The following RBMS3 variants were observed in gnomAD, a reference collection of about 807,000 sequenced individuals.
The protein encoded by RBMS3 is RNA-binding motif, single-stranded-interacting protein 3.
In RBMS3, 27 loss-of-function variants were observed where a neutral mutation model predicts 66.8. The ratio of observed to expected loss-of-function variants is 0.40; its 90% CI spans 0.30 to 0.56. The LOEUF (loss-of-function observed/expected upper bound fraction) is 0.56. Ranked by LOEUF, RBMS3 falls within the 20% of genes least tolerant of loss-of-function variation. The probability of loss-of-function intolerance (pLI) is 0.40; values close to 1 mark genes in which losing one functional copy is unlikely to be tolerated. For synonymous variants in RBMS3, 188 were observed against 183.0 expected (o/e 1.03, Z -0.22); for missense variants, 513 against 549.5 (o/e 0.93, Z 0.66).
intron 4 of RBMS3, among the ~76,000 whole-genome samples, chr3:29,721,914 A>T (rs185555783): frequency 5.9e-5 from 9 of 152,280 alleles, no homozygotes; most frequent in Non-Finnish European, 1.5e-5. Context: ...ATTGCCTAAA[A>T]CCTTTAGTGG....
At chr3:29,689,302 G>T (rs2051873119) in intron 4 of RBMS3, among the ~76,000 whole-genome samples, 1 of 151,672 alleles carries the variant, frequency 6.6e-6, no homozygotes, top group Non-Finnish European at 1.5e-5. Context: ...TCTTTTTTCT[G>T]TCATTAATTA....
At chr3:29,517,006 A>G (rs1192506731) in intron 3 of RBMS3, among the ~76,000 whole-genome samples, 1 of 152,088 alleles carries the variant, frequency 6.6e-6, no homozygotes, top group Non-Finnish European at 1.5e-5. Flanking sequence ...TGAGCCCAAA[A>G]GTCCGAGAAC....
At chr3:29,459,475 C>T (rs930599676) in intron 2 of RBMS3, among the ~76,000 whole-genome samples, 1 of 152,126 alleles carries the variant, frequency 6.6e-6, no homozygotes. Context: ...GTTTAACATT[C>T]CATAAGGACA....
chr3:29,822,076 A>G (rs764166935), intron 6 of RBMS3, among the ~76,000 whole-genome samples: 3 of 152,182 alleles, frequency 2.0e-5, no homozygotes, highest in Non-Finnish European at 4.4e-5. Flanking sequence ...CTGCACAAGG[A>G]TGGTAATCCT....
intron 4 of RBMS3, among the ~76,000 whole-genome samples, chr3:29,691,860 T>A (rs2052022980): frequency 6.6e-6 from 1 of 151,968 alleles, no homozygotes; most frequent in Admixed American, 6.6e-5. Flanking sequence ...ATAGTTTATG[T>A]GCATAGCTTT....
intron 14 of RBMS3, among the ~76,000 whole-genome samples, chr3:29,993,698 A>AGGCAGGAAAAGAC (rs1158790880): frequency 6.6e-6 from 1 of 152,152 alleles, no homozygotes; most frequent in Non-Finnish European, 1.5e-5. Flanking sequence ...TTGAACTTAA[A>AGGCAGGAAAAGAC]CAAAAATATT....
At chr3:29,829,641 C>A (rs1416124656) in intron 6 of RBMS3, among the ~76,000 whole-genome samples, 3 of 152,118 alleles carry the variant, frequency 2.0e-5, no homozygotes, top group Admixed American at 2.0e-4. Flanking sequence ...AACCATTGAG[C>A]ATATACTTTT....
chr3:29,286,368 T>A (rs1490228252), intron 1 of RBMS3, among the ~76,000 whole-genome samples: 2 of 152,198 alleles, frequency 1.3e-5, no homozygotes, highest in Non-Finnish European at 2.9e-5. Context: ...CATGTTTTGC[T>A]ATTTTTTTTC....
chr3:29,787,451 G>C (rs2056857057), intron 6 of RBMS3, among the ~76,000 whole-genome samples: 2 of 151,346 alleles, frequency 1.3e-5, no homozygotes. Context: ...ACCAATCAAT[G>C]AGTAGATAAA....
chr3:29,490,537 G>C (rs550382257), intron 3 of RBMS3, among the ~76,000 whole-genome samples: 1 of 152,064 alleles, frequency 6.6e-6, no homozygotes, highest in Non-Finnish European at 1.5e-5. Context: ...GTAGGTTTTG[G>C]GGAGAAGGTG....
At chr3:29,415,741 TG>T (rs2040451858) in intron 1 of RBMS3, among the ~76,000 whole-genome samples, 1 of 151,998 alleles carries the variant, frequency 6.6e-6, no homozygotes, top group Non-Finnish European at 1.5e-5. Flanking sequence ...AGGCAGGACT[TG>T]GGGCCTGGCT....
rs1302454498 is a variant in RBMS3 at position 30,005,172 on chromosome 3, C to G, written c.*1310C>G. ...TTTCTTTGTTGTTTGTTTAAACTAC[C>G]TTCCACTGGTGTTTTACATAGTGCA... On this transcript the variant is annotated 3_prime_UTR_variant, in exon 15 of 15. Transcript: ENST00000383767. The G allele has an allele frequency of 6.9e-6, 1 of 145,496 alleles. No homozygotes were observed. Among genetic ancestry groups the G allele is most frequent in the Non-Finnish European group, 1.5e-5 (1 of 66,764 alleles). 9.0% of individuals were successfully genotyped at this position (145,496 alleles called of 1,614,324 possible). A position where few individuals can be genotyped will look rare whatever the true frequency, so the allele number is the denominator to read the frequency against.
intron 1 of RBMS3, among the ~76,000 whole-genome samples, chr3:29,404,745 G>A (rs139456577): frequency 1.6e-3 from 238 of 152,188 alleles, no homozygotes; most frequent in Admixed American, 3.2e-3. Context: ...ACAGAGATAT[G>A]AGTGTTGGGT....
chr3:29,322,530 C>A (rs1402008348), intron 1 of RBMS3, among the ~76,000 whole-genome samples: 1 of 151,746 alleles, frequency 6.6e-6, no homozygotes, highest in Non-Finnish European at 1.5e-5. Flanking sequence ...AGTTAAAAAT[C>A]ATAAAATCTT....
chr3:29,833,880 T>G (rs2149491807), intron 6 of RBMS3, among the ~76,000 whole-genome samples: 1 of 152,096 alleles, frequency 6.6e-6, no homozygotes, highest in South Asian at 2.1e-4. Context: ...TACGACACAT[T>G]AAAATCAAAT....
intron 4 of RBMS3, among the ~76,000 whole-genome samples, chr3:29,707,958 G>A (rs1225189008): frequency 2.0e-5 from 3 of 152,132 alleles, no homozygotes; most frequent in Non-Finnish European, 4.4e-5. Context: ...CAAGTGATTG[G>A]CTCAGCCTGT....
chr3:29,357,421 G>A lies in RBMS3; in HGVS notation c.75+75665G>A, dbSNP rs578060355. On this transcript the variant is annotated intron_variant, in intron 1 of 14. Coordinates refer to ENST00000383767, the MANE Select transcript of RBMS3 (RefSeq NM_001003793.3). Reference sequence around the variant, plus strand: ...GCAAAGTATTCCATGGTGTATATGTGCCACATTTTCTTAATCCAGTCTATC... The same window carrying A: ...GCAAAGTATTCCATGGTGTATATGTACCACATTTTCTTAATCCAGTCTATC... 2.6e-5 allele frequency among the ~76,000 whole-genome samples: 4 copies of A among 152,246 alleles called. No homozygotes were observed. The East Asian group carries it at 5.8e-4, about 22-fold the overall frequency.
intron 6 of RBMS3, among the ~76,000 whole-genome samples, chr3:29,858,712 C>A (rs1209144347): frequency 6.6e-6 from 1 of 152,174 alleles, no homozygotes; most frequent in Non-Finnish European, 1.5e-5. Context: ...CCACTTGAAA[C>A]AATAGCGTTA....
At chr3:29,357,101 AG>A (rs1272982817) in intron 1 of RBMS3, among the ~76,000 whole-genome samples, 1 of 152,090 alleles carries the variant, frequency 6.6e-6, no homozygotes, top group East Asian at 1.9e-4. Context: ...CACAACGTGC[AG>A]GTTTGTTACA....
Sources: gnomAD v4.1 joint callset for allele counts (sites outside exome capture counted in the v4.1 genomes callset) on GRCh38, gnomAD v4.1.1 for gene constraint, MANE v1.5 for transcripts, NCBI Gene and HGNC (gene_info 2026-07-23, HGNC 2026-07-21) for gene names.